Variants in TMEM117 observed in about 807,000 individuals in gnomAD.
The protein encoded by TMEM117 is transmembrane protein 117.
In TMEM117, 27 loss-of-function variants were observed where a neutral mutation model predicts 52.4. The ratio of observed to expected loss-of-function variants is 0.51; its 90% confidence interval spans 0.38 to 0.71. TMEM117 has a LOEUF of 0.71. TMEM117 is among the 30% of genes least tolerant of loss of function. TMEM117 has a pLI of 0.00. For synonymous variants in TMEM117, 215 were observed against 206.3 expected (o/e 1.04, Z -0.36); for missense variants, 556 against 630.5 (o/e 0.88, Z 1.26).
At chr12:43,813,866 C>T in the TMEM117 span, among the ~76,000 whole-genome samples, 1 of 152,002 alleles carries the variant, frequency 6.6e-6, no homozygotes, top group Non-Finnish European at 1.5e-5. Flanking sequence ...TCCTCCCTTC[C>T]TTTTTTTCCC....
At chr12:44,208,235 A>G (rs896999422) in intron 4 of TMEM117, among the ~76,000 whole-genome samples, 22 of 152,110 alleles carry the variant, frequency 1.4e-4, no homozygotes, top group Admixed American at 1.4e-3. Context: ...AAAATAAGTT[A>G]TATTCTATTG....
the TMEM117 span, chr12:43,805,918 T>G: frequency 6.6e-7 from 1 of 1,506,092 alleles, no homozygotes; most frequent in South Asian, 1.1e-5. Flanking sequence ...GTTGGGCGAC[T>G]GTCGGGGACG....
chr12:44,072,715 TTTA>T (rs1947320910), intron 3 of TMEM117, among the ~76,000 whole-genome samples: 1 of 152,154 alleles, frequency 6.6e-6, no homozygotes, highest in African/African-American at 2.4e-5. Context: ...TCCACAAATG[TTTA>T]TTGAGTGGCT....
At chr12:43,805,793 G>C in the TMEM117 span, 3 of 1,358,460 alleles carry the variant, frequency 2.2e-6, no homozygotes, top group South Asian at 3.4e-5. Flanking sequence ...TCAAAGTCCT[G>C]TAATATTCTC....
At chr12:43,965,491 C>T (rs1425465767) in intron 3 of TMEM117, among the ~76,000 whole-genome samples, 1 of 152,148 alleles carries the variant, frequency 6.6e-6, no homozygotes, top group Non-Finnish European at 1.5e-5. Context: ...CTTAGAGTTA[C>T]CCAGAAAGTT....
At chr12:44,357,863 C>A (rs1951672026) in intron 6 of TMEM117, among the ~76,000 whole-genome samples, 1 of 152,086 alleles carries the variant, frequency 6.6e-6, no homozygotes, top group Non-Finnish European at 1.5e-5. Flanking sequence ...CAGAAAGACA[C>A]ATGCATCCAT....
intron 3 of TMEM117, among the ~76,000 whole-genome samples, chr12:43,991,939 T>G (rs535030391): frequency 6.6e-6 from 1 of 152,180 alleles, no homozygotes; most frequent in South Asian, 2.1e-4. Context: ...GCGGACGGGT[T>G]GCTTGAGCCC....
intron 3 of TMEM117, among the ~76,000 whole-genome samples, chr12:44,099,750 A>G (rs533949833): frequency 1.3e-5 from 2 of 152,140 alleles, no homozygotes; most frequent in South Asian, 4.1e-4. Flanking sequence ...GAGGAGCATG[A>G]GAAAGAAACA....
chr12:43,796,015 TAC>T, the TMEM117 span, among the ~76,000 whole-genome samples: 10 of 152,184 alleles, frequency 6.6e-5, no homozygotes, highest in Admixed American at 6.5e-5. Flanking sequence ...AAGCCACCAC[TAC>T]ATTCTCAAGT....
chr12:43,845,691 C>A (rs186179219), intron 2 of TMEM117, among the ~76,000 whole-genome samples: 8 of 151,490 alleles, frequency 5.3e-5, no homozygotes, highest in Non-Finnish European at 1.2e-4. Context: ...ATCCCTCCCC[C>A]CTCCCCCAAC....
intron 6 of TMEM117, among the ~76,000 whole-genome samples, chr12:44,326,371 G>A (rs1951196128): frequency 6.6e-6 from 1 of 152,130 alleles, no homozygotes; most frequent in Non-Finnish European, 1.5e-5. Flanking sequence ...TAAGCTGAAT[G>A]TTCTGTGTTT....
At chr12:43,971,160 TA>T (rs1455035469) in intron 3 of TMEM117, among the ~76,000 whole-genome samples, 28 of 152,312 alleles carry the variant, frequency 1.8e-4, no homozygotes, top group Non-Finnish European at 2.8e-4. Flanking sequence ...TTCTACCTGC[TA>T]AGTATCTCTC....
At chr12:43,916,128 A>T (rs1216043901) in intron 2 of TMEM117, among the ~76,000 whole-genome samples, 3 of 152,122 alleles carry the variant, frequency 2.0e-5, no homozygotes, top group African/African-American at 7.2e-5. Flanking sequence ...AGAAGAGGGG[A>T]GGCATGGAGG....
intron 6 of TMEM117, among the ~76,000 whole-genome samples, chr12:44,323,466 A>T (rs1215859814): frequency 6.6e-6 from 1 of 152,098 alleles, no homozygotes; most frequent in Non-Finnish European, 1.5e-5. Context: ...TAGATGCTTG[A>T]TGAATATTCA....
chr12:44,287,090 A>G (rs1462883522), intron 5 of TMEM117, among the ~76,000 whole-genome samples: 1 of 152,178 alleles, frequency 6.6e-6, no homozygotes, highest in East Asian at 1.9e-4. Flanking sequence ...AGCCCACCCC[A>G]GAGGTTAGGA....
intron 4 of TMEM117, among the ~76,000 whole-genome samples, chr12:44,152,282 TATA>T (rs1421121522): frequency 7.8e-4 from 83 of 106,090 alleles, no homozygotes; most frequent in Non-Finnish European, 1.1e-3. Flanking sequence ...TTATATTATA[TATA>T]ATTATATTTA....
intron 5 of TMEM117, among the ~76,000 whole-genome samples, chr12:44,223,234 A>C (rs1427922490): frequency 6.6e-6 from 1 of 152,076 alleles, no homozygotes; most frequent in Non-Finnish European, 1.5e-5. Context: ...CAGTGTGTGA[A>C]CACATAGATG....
At chr12:44,102,053 G>C (rs6582498) in intron 3 of TMEM117, among the ~76,000 whole-genome samples, 4 of 151,920 alleles carry the variant, frequency 2.6e-5, no homozygotes, top group Admixed American at 6.6e-5. Flanking sequence ...TCAGGAAACC[G>C]ATAAAGATAA....
intron 3 of TMEM117, among the ~76,000 whole-genome samples, chr12:44,130,975 G>A (rs1948404826): frequency 6.6e-6 from 1 of 152,038 alleles, no homozygotes; most frequent in Non-Finnish European, 1.5e-5. Flanking sequence ...AGGACTAGCT[G>A]TGTTGGTCTA....
Sources: gnomAD v4.1 joint callset for allele counts (sites outside exome capture counted in the v4.1 genomes callset) on GRCh38, gnomAD v4.1.1 for gene constraint, MANE v1.5 for transcripts, NCBI Gene and HGNC (gene_info 2026-07-23, HGNC 2026-07-21) for gene names.